The following FYB1 variants were observed in gnomAD, a reference collection of about 807,000 sequenced individuals.
FYB1 encodes the protein FYN binding protein 1, also known as FYN-binding protein 1.
In FYB1, 41 loss-of-function variants were observed where a neutral mutation model predicts 94.1. The observed-to-expected ratio is 0.44, with a 90% CI of 0.34 to 0.57. The LOEUF (loss-of-function observed/expected upper bound fraction) is 0.57. Ranked by LOEUF, FYB1 falls within the 20% of genes least tolerant of loss-of-function variation. The pLI is 0.02. For synonymous variants in FYB1, 367 were observed against 353.2 expected, an observed-to-expected ratio of 1.04 and a Z score of -0.44; for missense variants, 1,050 against 976.8, an observed-to-expected ratio of 1.07 and a Z score of -1.00.
At position 39,209,755 on chromosome 5, in the gene FYB1, CA is replaced by C. The variant is rs374023547; in HGVS notation, c.-27-6769del. On this transcript the variant is annotated intron_variant, in intron 1 of 18. Coordinates refer to ENST00000512982, the MANE Select transcript of FYB1 (RefSeq NM_001465.6). ...ATTCCCTCCCCGGCAAACAAGCAGACACATCCCTGATCCTGGCGCATCTCTT... is the reference window on the plus strand; with the variant it reads ...ATTCCCTCCCCGGCAAACAAGCAGACCATCCCTGATCCTGGCGCATCTCTT... Among the ~76,000 whole-genome samples the C allele has an allele frequency of 1.6e-3, 248 of 152,316 alleles. 2 individuals carry two copies. The highest frequency in any genetic ancestry group is 0.014 in the Middle Eastern group (4 of 294).
At chr5:39,235,201 G>A (rs1379191960) in intron 1 of FYB1, among the ~76,000 whole-genome samples, 1 of 151,802 alleles carries the variant, frequency 6.6e-6, no homozygotes, top group Non-Finnish European at 1.5e-5. Flanking sequence ...ACCATAACTA[G>A]AAATGGAGGC....
intron 2 of FYB1, among the ~76,000 whole-genome samples, chr5:39,198,629 G>T (rs1748035356): frequency 6.6e-6 from 1 of 152,070 alleles, no homozygotes; most frequent in East Asian, 1.9e-4. Context: ...AATTACATGA[G>T]ATAGTCAACA....
exon 1 of FYB1, chr5:39,274,436 C>T (rs970181825): frequency 4.6e-5 from 7 of 152,162 alleles, no homozygotes; most frequent in East Asian, 1.9e-4. Context: ...TGCTAGCTCA[C>T]TGATCTCCTG....
chr5:39,255,430 G>GT (rs113241046), intron 1 of FYB1, among the ~76,000 whole-genome samples: 13,201 of 142,732 alleles, frequency 0.092, 747 homozygotes, highest in Middle Eastern at 0.17. Context: ...CCATTCACCT[G>GT]TTTTTTTTTT....
At chr5:39,236,460 G>A (rs1302178033) in intron 1 of FYB1, among the ~76,000 whole-genome samples, 1 of 152,020 alleles carries the variant, frequency 6.6e-6, no homozygotes, top group Non-Finnish European at 1.5e-5. Context: ...GGGATAGTGT[G>A]ATGTTGCACA....
intron 2 of FYB1, chr5:39,169,616 G>A (rs748981283): frequency 5.3e-5 from 24 of 449,530 alleles, no homozygotes; most frequent in Non-Finnish European, 8.7e-5. Context: ...AGGCCGAGGC[G>A]GGTGGATTAC....
At chr5:39,134,509 G>C (rs1741486870) in intron 8 of FYB1, among the ~76,000 whole-genome samples, 160 bp from the exon 9 acceptor site, 1 of 152,106 alleles carries the variant, frequency 6.6e-6, no homozygotes, top group Non-Finnish European at 1.5e-5. Context: ...AAATTTTACT[G>C]TACTCTGTCA....
intron 2 of FYB1, among the ~76,000 whole-genome samples, chr5:39,199,552 T>C (rs913200527): frequency 6.6e-6 from 1 of 152,172 alleles, no homozygotes; most frequent in Non-Finnish European, 1.5e-5. Flanking sequence ...AGTTACTCTT[T>C]ATTAAAATGT....
chr5:39,166,371 G>T (rs1156839365), intron 2 of FYB1, among the ~76,000 whole-genome samples: 1 of 151,842 alleles, frequency 6.6e-6, no homozygotes, highest in Non-Finnish European at 1.5e-5. Context: ...AGGAGGTGGA[G>T]GTTGTGGTGA....
chr5:39,169,818 T>A (rs1745085457), intron 2 of FYB1: 1 of 515,738 alleles, frequency 1.9e-6, no homozygotes, highest in Admixed American at 2.5e-5. Flanking sequence ...CTTCAGTGGT[T>A]TTGATGGTGG....
At chr5:39,121,532 T>C (rs979218947) in intron 14 of FYB1, among the ~76,000 whole-genome samples, 7 of 152,194 alleles carry the variant, frequency 4.6e-5, no homozygotes, top group African/African-American at 1.4e-4. Flanking sequence ...TCCATTTATG[T>C]TACTTTCATC....
At chr5:39,198,673 T>A (rs1190357680) in intron 2 of FYB1, among the ~76,000 whole-genome samples, 1 of 152,140 alleles carries the variant, frequency 6.6e-6, no homozygotes, top group African/African-American at 2.4e-5. Context: ...GTGAGATGAT[T>A]TTGCCCAATT....
chr5:39,213,234 T>G (rs1298151061), intron 1 of FYB1, among the ~76,000 whole-genome samples: 1 of 152,178 alleles, frequency 6.6e-6, no homozygotes, highest in East Asian at 1.9e-4. Context: ...CACCTAAGCT[T>G]TAGCAAGTGG....
chr5:39,254,821 A>T (rs890364851), intron 1 of FYB1, among the ~76,000 whole-genome samples: 1 of 152,164 alleles, frequency 6.6e-6, no homozygotes, highest in African/African-American at 2.4e-5. Context: ...ATCAAGAGGG[A>T]TTAGTGCTGG....
At chr5:39,119,498 T>G in intron 15 of FYB1, 37 bp downstream of exon 15, 1 of 1,390,698 alleles carries the variant, frequency 7.2e-7, no homozygotes, top group Non-Finnish European at 9.6e-7. Context: ...TTTTCAATAG[T>G]GCTTTGTACT....
intron 1 of FYB1, among the ~76,000 whole-genome samples, chr5:39,238,650 T>C (rs1018253355): frequency 2.0e-5 from 3 of 152,050 alleles, no homozygotes; most frequent in Admixed American, 6.6e-5. Flanking sequence ...GCCCTCAAAG[T>C]GTCTGCATAC....
upstream of FYB1, among the ~76,000 whole-genome samples, chr5:39,221,975 C>T (rs1042124956): frequency 1.3e-4 from 19 of 150,906 alleles, no homozygotes; most frequent in East Asian, 3.9e-4. Flanking sequence ...CACTCCAGCC[C>T]GGGCCAACAA....
chr5:39,153,682 C>A, intron 2 of FYB1, 78 bp from the exon 3 acceptor site: 1 of 1,403,798 alleles, frequency 7.1e-7, no homozygotes, highest in South Asian at 1.4e-5. Flanking sequence ...ACATAGTTGG[C>A]TACAGATAAA....
At chr5:39,154,052 T>C (rs1359732282) in intron 2 of FYB1, among the ~76,000 whole-genome samples, 1 of 152,164 alleles carries the variant, frequency 6.6e-6, no homozygotes, top group South Asian at 2.1e-4. Flanking sequence ...TCCCCAAATG[T>C]TGGGATTACA....
Sources: allele counts gnomAD v4.1 joint callset (sites outside exome capture counted in the v4.1 genomes callset), GRCh38; gene constraint gnomAD v4.1.1; transcripts MANE v1.5; gene names NCBI Gene and HGNC (gene_info 2026-07-23, HGNC 2026-07-21).